PIEZO2: variants seen among roughly 807,000 people sequenced by gnomAD.
The protein encoded by PIEZO2 is piezo type mechanosensitive ion channel component 2.
PIEZO2 carries 172 observed loss-of-function variants against 337.3 expected under a neutral mutation model. That is an observed-to-expected ratio of 0.51 (90% CI 0.45 to 0.58). The LOEUF is 0.58. Ranked by LOEUF, PIEZO2 falls within the 20% of genes least tolerant of loss-of-function variation. The pLI, the probability that PIEZO2 is intolerant of heterozygous loss-of-function variation, is 0.00. For synonymous variants in PIEZO2, 1,251 were observed against 1,228.5 expected (o/e 1.02, Z -0.38); for missense variants, 3,028 against 3,391.3 (o/e 0.89, Z 2.66).
chr18:11,019,492 T>G (rs753879042), intron 2 of PIEZO2, among the ~76,000 whole-genome samples: 3 of 152,216 alleles, frequency 2.0e-5, no homozygotes, highest in Non-Finnish European at 4.4e-5. Context: ...TCATCTCCAA[T>G]TCTCAGCATG....
At chr18:10,925,831 G>A (rs1241214617) in intron 3 of PIEZO2, among the ~76,000 whole-genome samples, 1 of 152,170 alleles carries the variant, frequency 6.6e-6, no homozygotes, top group Non-Finnish European at 1.5e-5. Flanking sequence ...GCCTCCCAAA[G>A]TGCTGGGATT....
At position 10,672,906 on chromosome 18, in the gene PIEZO2, A is replaced by G; in HGVS notation, c.8162-33T>C. 6.5e-7 allele frequency: 1 copy of G among 1,548,970 alleles called. No individual in the cohort carries two copies. The highest frequency in any genetic ancestry group is 1.9e-5 in the Admixed American group (1 of 53,324). ...GGTAGAAATGCAAAATTAAGTTGAC[A>G]TGAGAATTTTAGGATTTCATGCACA... On this transcript the variant is annotated intron_variant, in intron 54 of 55. Coordinates refer to ENST00000674853, the MANE Select transcript of PIEZO2 (RefSeq NM_001378183.1). This position sits in a 1 kb window ranked among gnomAD's most constrained non-coding sequence, Gnocchi z 4.7.
intron 1 of PIEZO2, among the ~76,000 whole-genome samples, chr18:11,123,793 G>C (rs980910830): frequency 6.7e-5 from 10 of 148,994 alleles, no homozygotes; most frequent in African/African-American, 2.6e-4. Context: ...CTGGGCGAGA[G>C]AGGGAGACTC....
chr18:10,777,522 A>T (rs1196183847), intron 18 of PIEZO2, among the ~76,000 whole-genome samples: 7 of 152,262 alleles, frequency 4.6e-5, no homozygotes, highest in Admixed American at 2.6e-4. Flanking sequence ...CACTGGAGAT[A>T]CATCCTTATT....
chr18:10,995,077 C>CAAAAAAAAAAAAAAA (rs767666232), intron 2 of PIEZO2, among the ~76,000 whole-genome samples: 7 of 28,252 alleles, frequency 2.5e-4, no homozygotes, highest in African/African-American at 9.9e-4. Flanking sequence ...GACTCCGTCT[C>CAAAAAAAAAAAAAAA]AAAAAAAAAA....
rs114322754 is a variant in PIEZO2 at position 11,047,369 on chromosome 18, C to T, written c.160+18758G>A. ...GAGCAAGGTTGGAATGGAGTAGGAG[C>T]GAGGGAGCCGCGCAGTGCAGCAAAG... On this transcript the variant is annotated intron_variant, in intron 2 of 55. Coordinates refer to ENST00000674853, the MANE Select transcript of PIEZO2 (RefSeq NM_001378183.1). The surrounding 1 kb of genome is among the most constrained non-coding windows in gnomAD (Gnocchi z 7.2). Among the ~76,000 whole-genome samples, 1,056 of 152,202 alleles carry T rather than the reference C, an allele frequency of 6.9e-3. 9 individuals carry two copies. The highest frequency in any genetic ancestry group is 0.025 in the African/African-American group (1,022 of 41,494).
chr18:10,787,294 T>C (rs879512218), intron 15 of PIEZO2, 110 bp from the exon 16 acceptor site: 52 of 1,096,996 alleles, frequency 4.7e-5, no homozygotes, highest in Admixed American at 5.8e-5. Flanking sequence ...TACAAGTGTC[T>C]GAAAATAAAG....
At chr18:11,067,925 T>C (rs1158725671) in intron 1 of PIEZO2, among the ~76,000 whole-genome samples, 2 of 152,116 alleles carry the variant, frequency 1.3e-5, no homozygotes, top group Non-Finnish European at 2.9e-5. Context: ...CTTTTTTTGT[T>C]TGTTTGTTTG....
chr18:11,057,128 T>A (rs549669067), intron 2 of PIEZO2, among the ~76,000 whole-genome samples: 1 of 152,058 alleles, frequency 6.6e-6, no homozygotes, highest in Non-Finnish European at 1.5e-5. Context: ...TTTCTGGACC[T>A]TCTCCTGAGG....
intron 49 of PIEZO2, among the ~76,000 whole-genome samples, chr18:10,685,442 A>G (rs1243180946): frequency 1.3e-5 from 2 of 152,236 alleles, no homozygotes; most frequent in Non-Finnish European, 2.9e-5. Context: ...ATATATTAAA[A>G]TGAGGCTTCT....
At chr18:10,725,172 G>A in intron 36 of PIEZO2, 1 of 1,512,964 alleles carries the variant, frequency 6.6e-7, no homozygotes, top group South Asian at 1.1e-5. Context: ...CCTCTGGACA[G>A]TTCATCCATC....
At chr18:10,984,476 C>G (rs2034791757) in intron 2 of PIEZO2, among the ~76,000 whole-genome samples, 1 of 151,960 alleles carries the variant, frequency 6.6e-6, no homozygotes, top group Non-Finnish European at 1.5e-5. Context: ...CAACAGCAAA[C>G]TTGATCAAGC....
intron 13 of PIEZO2, among the ~76,000 whole-genome samples, chr18:10,792,106 C>T (rs1011799626): frequency 2.6e-5 from 4 of 152,122 alleles, no homozygotes; most frequent in South Asian, 2.1e-4. Flanking sequence ...ACCACCACAC[C>T]CGGCTAGTTT....
At position 11,148,108 on chromosome 18, in the gene PIEZO2, T is replaced by C. The variant is rs569132642; in HGVS notation, c.64+417A>G. ...TTTGGGGTCTGGGAGAGATGGCCTC[T>C]GGGCCGTCTGGAGGCACAGCATGCT... On this transcript the variant is annotated intron_variant, in intron 1 of 55. Transcript: ENST00000674853. This position sits in a 1 kb window ranked among gnomAD's most constrained non-coding sequence, Gnocchi z 5.2. Among the ~76,000 whole-genome samples, 2 of 152,256 alleles carry C rather than the reference T, an allele frequency of 1.3e-5. No homozygotes were observed. The highest frequency in any genetic ancestry group is 2.4e-5 in the African/African-American group (1 of 41,560).
Position 11,111,982 on chromosome 18 carries a change from C to G in PIEZO2, c.64+36543G>C, listed in dbSNP as rs1255139528. Among the ~76,000 whole-genome samples, 2 of 152,092 alleles carry G rather than the reference C, an allele frequency of 1.3e-5. No homozygotes were observed. The highest frequency in any genetic ancestry group is 4.8e-5 in the African/African-American group (2 of 41,408). On this transcript the variant is annotated intron_variant, in intron 1 of 55. Coordinates refer to ENST00000674853, the MANE Select transcript of PIEZO2 (RefSeq NM_001378183.1). This position sits in a 1 kb window ranked among gnomAD's most constrained non-coding sequence, Gnocchi z 6.2. ...CCCCTTGAATCCTCTGAGGTTCTGA[C>G]TTAAGAGGGAAAATGGTAGGGGAGC...
intron 2 of PIEZO2, among the ~76,000 whole-genome samples, chr18:10,999,017 C>T (rs1255817951): frequency 3.9e-5 from 6 of 151,992 alleles, no homozygotes. Flanking sequence ...CTGTAGCTTT[C>T]AATGATTTAA....
In PIEZO2 at chr18:10,943,373, C is replaced by T. The variant is rs264160; in HGVS notation, c.287-32145G>A. 0.43 allele frequency among the ~76,000 whole-genome samples: 65,615 copies of T among 152,064 alleles called. 15,099 individuals carry two copies. The highest frequency in any genetic ancestry group is 0.52 in the Non-Finnish European group (35,499 of 67,962). On this transcript the variant is annotated intron_variant, in intron 3 of 55. Coordinates refer to ENST00000674853, the MANE Select transcript of PIEZO2 (RefSeq NM_001378183.1). This position sits in a 1 kb window ranked among gnomAD's most constrained non-coding sequence, Gnocchi z 4.5. Reference sequence around the variant, plus strand: ...CCCCAGGGGTGGAGTTACCCAAGGCCGTGGGAGACCACCTCTTGCATCAGT... The same window carrying T: ...CCCCAGGGGTGGAGTTACCCAAGGCTGTGGGAGACCACCTCTTGCATCAGT...
chr18:11,100,660 G>A (rs1375288374), intron 1 of PIEZO2, among the ~76,000 whole-genome samples: 2 of 152,026 alleles, frequency 1.3e-5, no homozygotes, highest in South Asian at 2.1e-4. Context: ...CAGTGGCACA[G>A]TTTTGGCTCA....
chr18:10,766,749 A>G lies in PIEZO2; in HGVS notation c.2946+3399T>C, dbSNP rs2143930711. Among the ~76,000 whole-genome samples, 1 of 152,294 alleles carries G rather than the reference A, an allele frequency of 6.6e-6. No homozygotes were observed. The highest frequency in any genetic ancestry group is 2.1e-4 in the South Asian group (1 of 4,830). Reference sequence around the variant, plus strand: ...CACCTCTAGCACAGCAGTTATTATCACTTTTAGTTTTATTTGGCAGCCATT... The same window carrying G: ...CACCTCTAGCACAGCAGTTATTATCGCTTTTAGTTTTATTTGGCAGCCATT... On this transcript the variant is annotated intron_variant, in intron 21 of 55. Coordinates refer to ENST00000674853, the MANE Select transcript of PIEZO2 (RefSeq NM_001378183.1). The surrounding 1 kb of genome is among the most constrained non-coding windows in gnomAD (Gnocchi z 6.1).
Sources: allele counts gnomAD v4.1 joint callset (sites outside exome capture counted in the v4.1 genomes callset), GRCh38; gene constraint gnomAD v4.1.1; non-coding constraint Gnocchi (gnomAD v3.1); transcripts MANE v1.5; gene names NCBI Gene and HGNC (gene_info 2026-07-23, HGNC 2026-07-21).